Variants in MINDY2 observed in about 807,000 individuals in gnomAD.
The protein encoded by MINDY2 is MINDY lysine 48 deubiquitinase 2, also known as ubiquitin carboxyl-terminal hydrolase MINDY-2.
MINDY2 carries 52 observed loss-of-function variants against 68.2 expected under a neutral mutation model. The ratio of observed to expected loss-of-function variants is 0.76; its 90% CI spans 0.61 to 0.96. The LOEUF (loss-of-function observed/expected upper bound fraction) is 0.96, where lower values mean the gene tolerates loss of function less well. Among genes scored for constraint, MINDY2 ranks in the 40% least tolerant of loss-of-function variants. The probability of loss-of-function intolerance (pLI) is 0.00; values close to 1 mark genes in which losing one functional copy is unlikely to be tolerated. For missense variants in MINDY2, 881 were observed against 773.4 expected (o/e 1.14, Z -1.65); for synonymous variants, 372 against 303.0 (o/e 1.23, Z -2.36).
At position 58,846,671 on chromosome 15, in the gene MINDY2, T is replaced by TA. The variant is rs533709684; in HGVS notation, c.1369-617dup. On this transcript the variant is annotated intron_variant, in intron 6 of 8. Transcript: ENST00000559228. ...CTATGTATCCACAAAAATTAAAAAT[T>TA]AAAAAAAAATTTGTATGCACGTACA... 4.0e-3 allele frequency among the ~76,000 whole-genome samples: 607 copies of TA among 150,602 alleles called. 3 individuals are homozygous for TA. The highest frequency in any genetic ancestry group is 0.014 in the African/African-American group (594 of 41,054).
At chr15:58,835,291 G>A (rs1454728646) in intron 6 of MINDY2, among the ~76,000 whole-genome samples, 1 of 152,168 alleles carries the variant, frequency 6.6e-6, no homozygotes, top group Non-Finnish European at 1.5e-5. Flanking sequence ...TTATAAGTTA[G>A]TTGCTTTTAT....
At chr15:58,847,610 G>T (rs1277522481) in intron 7 of MINDY2, 140 bp downstream of exon 7, 1 of 631,320 alleles carries the variant, frequency 1.6e-6, no homozygotes, top group East Asian at 2.8e-5. Context: ...TGAATAGTTG[G>T]TGATCATTCT....
At chr15:58,839,366 C>G (rs1304042095) in intron 6 of MINDY2, among the ~76,000 whole-genome samples, 10 of 147,122 alleles carry the variant, frequency 6.8e-5, no homozygotes, top group African/African-American at 2.1e-4. Flanking sequence ...AAGTCTCATT[C>G]TGTTGTCCAG....
rs1288413890 is a variant in MINDY2, at chr15:58,857,281, C to T, written c.*2671C>T. On this transcript the variant is annotated 3_prime_UTR_variant, in exon 9 of 9. Transcript: ENST00000559228. ...AAAGAATTTAGATCATGCCTGTAAT[C>T]CCAGTACTTTGGGAGGCCGAGGCAG... is the stretch of plus-strand genomic sequence containing the variant. 3 of 152,196 alleles carry T rather than the reference C, an allele frequency of 2.0e-5. No homozygotes were observed. The highest frequency in any genetic ancestry group is 4.4e-5 in the Non-Finnish European group (3 of 68,078). The allele number at this position is 152,196 out of a possible 1,614,324, so 9.4% of individuals were successfully genotyped here.
intron 6 of MINDY2, among the ~76,000 whole-genome samples, chr15:58,846,977 A>G (rs1212844162): frequency 6.6e-6 from 1 of 152,160 alleles, no homozygotes; most frequent in African/African-American, 2.4e-5. Flanking sequence ...TTTTTCAGGA[A>G]TTTGTATGGT....
At chr15:58,790,165 G>A (rs369660239) in intron 2 of MINDY2, among the ~76,000 whole-genome samples, 2 of 152,242 alleles carry the variant, frequency 1.3e-5, no homozygotes, top group East Asian at 3.9e-4. Context: ...AGATTACTCT[G>A]AATACCTAGA....
intron 3 of MINDY2, among the ~76,000 whole-genome samples, chr15:58,809,900 C>T (rs1032369427): frequency 6.6e-6 from 1 of 152,160 alleles, no homozygotes; most frequent in African/African-American, 2.4e-5. Flanking sequence ...CCACCTCAGC[C>T]TCCCAAGTAG....
intron 4 of MINDY2, among the ~76,000 whole-genome samples, chr15:58,811,755 G>C (rs1012457591): frequency 1.3e-5 from 2 of 152,150 alleles, no homozygotes; most frequent in Admixed American, 1.3e-4. Flanking sequence ...AGGAATTCCA[G>C]TTGCTGCAGT....
intron 6 of MINDY2, among the ~76,000 whole-genome samples, chr15:58,841,096 C>T (rs1257123045): frequency 6.6e-6 from 1 of 151,624 alleles, no homozygotes; most frequent in Non-Finnish European, 1.5e-5. Flanking sequence ...ATTCTCATGC[C>T]TCAGACTCCT....
intron 4 of MINDY2, among the ~76,000 whole-genome samples, chr15:58,814,471 C>G (rs1370169638): frequency 6.6e-6 from 1 of 151,956 alleles, no homozygotes; most frequent in Non-Finnish European, 1.5e-5. Flanking sequence ...ACTGCAACCT[C>G]AAACTCCTGA....
chr15:58,813,393 G>A (rs1255084569), intron 4 of MINDY2, among the ~76,000 whole-genome samples: 1 of 152,170 alleles, frequency 6.6e-6, no homozygotes, highest in African/African-American at 2.4e-5. Context: ...TACTTGGGGA[G>A]GCTGAGGCAG....
At chr15:58,797,266 C>T (rs776838185) in intron 2 of MINDY2, among the ~76,000 whole-genome samples, 2 of 152,044 alleles carry the variant, frequency 1.3e-5, no homozygotes, top group South Asian at 2.1e-4. Flanking sequence ...CAGCACTTCG[C>T]GAGACTGAGG....
intron 6 of MINDY2, among the ~76,000 whole-genome samples, chr15:58,837,944 G>A (rs1318059229): frequency 7.1e-6 from 1 of 140,682 alleles, no homozygotes; most frequent in Non-Finnish European, 1.5e-5. Flanking sequence ...ACTCCAACCT[G>A]GATGACAGAG....
chr15:58,822,564 T>A lies in MINDY2; in HGVS notation c.1225+745T>A, dbSNP rs72745038. ...ACCTCTGCTTTATATTTCAGTATAA[T>A]ACAATATTAAAGCCCCATTCTGGAT... On this transcript the variant is annotated intron_variant, in intron 5 of 8. Transcript: ENST00000559228. 7.9e-4 allele frequency among the ~76,000 whole-genome samples: 120 copies of A among 152,316 alleles called. 1 individual carries two copies. Among genetic ancestry groups the A allele is most frequent in the Admixed American group, 3.8e-3 (58 of 15,284 alleles).
chr15:58,800,595 C>G (rs1416530003), intron 2 of MINDY2, among the ~76,000 whole-genome samples: 1 of 151,900 alleles, frequency 6.6e-6, no homozygotes, highest in Non-Finnish European at 1.5e-5. Context: ...ATTCATTCTT[C>G]CCCTCAAAAG....
intron 4 of MINDY2, among the ~76,000 whole-genome samples, chr15:58,811,458 A>G (rs2030244145): frequency 6.6e-6 from 1 of 152,238 alleles, no homozygotes. Flanking sequence ...AGTTAAGGGG[A>G]ACAACAAGTA....
At chr15:58,821,442 A>T (rs1441125770) in intron 4 of MINDY2, among the ~76,000 whole-genome samples, 12 of 151,896 alleles carry the variant, frequency 7.9e-5, no homozygotes, top group African/African-American at 2.9e-4. Context: ...CATGTTTATG[A>T]CCTTAAGAAA....
chr15:58,819,380 C>T (rs11629739), intron 4 of MINDY2, among the ~76,000 whole-genome samples: 15,878 of 151,930 alleles, frequency 0.1, 1,114 homozygotes, highest in East Asian at 0.19. Context: ...CCTGGGAGGT[C>T]GAGGCTGCAG....
intron 7 of MINDY2, 77 bp from the exon 8 acceptor site, chr15:58,851,694 T>C: frequency 3.7e-6 from 4 of 1,091,414 alleles, no homozygotes; most frequent in Non-Finnish European, 5.2e-6. Context: ...GCTTTATAGA[T>C]ATAACGTTTG....
Sources: gnomAD v4.1 joint callset for allele counts (sites outside exome capture counted in the v4.1 genomes callset) on GRCh38, gnomAD v4.1.1 for gene constraint, MANE v1.5 for transcripts, NCBI Gene and HGNC (gene_info 2026-07-23, HGNC 2026-07-21) for gene names.